B3GALT1: variants seen among roughly 807,000 people sequenced by gnomAD.
The protein encoded by B3GALT1 is UDP-Gal:betaGlcNAc beta 1,3-galactosyltransferase, polypeptide 1.
B3GALT1 carries 10 observed loss-of-function variants against 23.2 expected under a neutral mutation model. The observed-to-expected ratio is 0.43, with a 90% CI of 0.27 to 0.73. The LOEUF (loss-of-function observed/expected upper bound fraction) is 0.73. Ranked by LOEUF, B3GALT1 falls within the 30% of genes least tolerant of loss-of-function variation. The pLI is 0.21. For synonymous variants in B3GALT1, 156 were observed against 141.5 expected, an observed-to-expected ratio of 1.10 and a Z score of -0.73; for missense variants, 299 against 405.4, an observed-to-expected ratio of 0.74 and a Z score of 2.25.
intron 1 of B3GALT1, among the ~76,000 whole-genome samples, chr2:167,397,995 A>G (rs1698123055): frequency 6.6e-6 from 1 of 152,176 alleles, no homozygotes; most frequent in Admixed American, 6.6e-5. Flanking sequence ...GTAATATGAC[A>G]TTGCTTGCAC....
chr2:167,748,573 C>A (rs147363321), intron 3 of B3GALT1, among the ~76,000 whole-genome samples: 668 of 152,102 alleles, frequency 4.4e-3, no homozygotes, highest in Non-Finnish European at 6.5e-3. Flanking sequence ...CAGAAGGCAC[C>A]AAGGCAAAAG....
intron 2 of B3GALT1, among the ~76,000 whole-genome samples, chr2:167,575,039 ATT>A (rs1684357572): frequency 6.6e-6 from 1 of 151,692 alleles, no homozygotes; most frequent in Admixed American, 6.6e-5. Flanking sequence ...CCTCTTCTCT[ATT>A]TACTGGCTTT....
intron 1 of B3GALT1, among the ~76,000 whole-genome samples, chr2:167,371,933 TATA>T (rs1360662104): frequency 1.3e-5 from 2 of 151,786 alleles, no homozygotes; most frequent in Non-Finnish European, 2.9e-5. Context: ...AAAATATATT[TATA>T]ATATTTTTTT....
At chr2:167,737,708 G>A (rs971956611) in intron 3 of B3GALT1, among the ~76,000 whole-genome samples, 9 of 152,216 alleles carry the variant, frequency 5.9e-5, no homozygotes, top group African/African-American at 2.2e-4. Context: ...CATCTCCAAG[G>A]TTCTTTGGCA....
At chr2:167,381,802 A>G (rs1018469416) in intron 1 of B3GALT1, among the ~76,000 whole-genome samples, 6 of 152,256 alleles carry the variant, frequency 3.9e-5, no homozygotes, top group African/African-American at 1.4e-4. Flanking sequence ...TTAAAGGTTT[A>G]AATAAAAAGT....
At chr2:167,376,325 G>A (rs1206839641) in intron 1 of B3GALT1, among the ~76,000 whole-genome samples, 2 of 151,944 alleles carry the variant, frequency 1.3e-5, no homozygotes, top group Non-Finnish European at 2.9e-5. Context: ...TTGTTTCTTT[G>A]CTAAGTTTTG....
At chr2:167,563,929 A>C (rs1365745261) in intron 2 of B3GALT1, among the ~76,000 whole-genome samples, 1 of 73,206 alleles carries the variant, frequency 1.4e-5, no homozygotes, top group Admixed American at 1.3e-4. Flanking sequence ...TCCCTCCCAG[A>C]CGGGGCGGCT....
Position 167,868,890 on chromosome 2 carries a change from A to G in B3GALT1, c.-150A>G. 2 of 858,326 alleles carry G rather than the reference A, an allele frequency of 2.3e-6. No individual in the cohort carries two copies. The highest frequency in any genetic ancestry group is 3.6e-6 in the Non-Finnish European group (2 of 562,408). 53.2% of individuals were successfully genotyped at this position (858,326 alleles called of 1,614,324 possible). A position where few individuals can be genotyped will look rare whatever the true frequency, so the allele number is the denominator to read the frequency against. On this transcript the variant is annotated 5_prime_UTR_variant, in exon 5 of 5. Transcript: ENST00000392690. The stretch of plus-strand genomic sequence containing the variant: ...TAGAATGAGCGCAGAGGTGACAGAC[A>G]GCCACTGAGGCCCATGGACAATCTC...
intron 2 of B3GALT1, among the ~76,000 whole-genome samples, chr2:167,594,190 C>T (rs189885638): frequency 2.0e-5 from 3 of 152,170 alleles, no homozygotes; most frequent in Admixed American, 6.5e-5. Context: ...TGGGAGGCTA[C>T]GTAGTGTAGA....
intron 1 of B3GALT1, among the ~76,000 whole-genome samples, chr2:167,448,380 T>A (rs1207844982): frequency 1.3e-5 from 2 of 152,238 alleles, no homozygotes; most frequent in African/African-American, 4.8e-5. Context: ...ATAGCTTTTT[T>A]TAATATGTTT....
At chr2:167,812,445 A>G (rs1688908127) in intron 3 of B3GALT1, among the ~76,000 whole-genome samples, 1 of 152,220 alleles carries the variant, frequency 6.6e-6, no homozygotes. Context: ...TGCTTGTTAT[A>G]AAGGTAAATG....
At chr2:167,736,849 A>G (rs916088943) in intron 3 of B3GALT1, among the ~76,000 whole-genome samples, 5 of 152,134 alleles carry the variant, frequency 3.3e-5, no homozygotes, top group African/African-American at 1.2e-4. Flanking sequence ...CATGAGAATC[A>G]CTTGAACCTG....
intron 2 of B3GALT1, among the ~76,000 whole-genome samples, chr2:167,506,203 A>G (rs1300963192): frequency 6.6e-6 from 1 of 152,190 alleles, no homozygotes; most frequent in Non-Finnish European, 1.5e-5. Context: ...CTGTTTTCAT[A>G]TAAGTCGTGC....
intron 1 of B3GALT1, among the ~76,000 whole-genome samples, chr2:167,333,506 G>A (rs1697008994): frequency 6.6e-6 from 1 of 152,176 alleles, no homozygotes; most frequent in Non-Finnish European, 1.5e-5. Context: ...ATTGATCGTT[G>A]AATCATGATT....
At chr2:167,525,660 G>T (rs140959980) in intron 2 of B3GALT1, among the ~76,000 whole-genome samples, 1,824 of 151,714 alleles carry the variant, frequency 0.012, 17 homozygotes, top group Middle Eastern at 0.021. Context: ...TTGAGACAGG[G>T]TCTCACTTTG....
At chr2:167,362,598 G>A (rs1193666599) in intron 1 of B3GALT1, among the ~76,000 whole-genome samples, 9 of 151,412 alleles carry the variant, frequency 5.9e-5, no homozygotes, top group East Asian at 1.9e-4. Context: ...CCATGTCCCC[G>A]TTGTCTCTTG....
intron 1 of B3GALT1, among the ~76,000 whole-genome samples, chr2:167,361,872 G>C (rs1697504630): frequency 6.6e-6 from 1 of 152,090 alleles, no homozygotes; most frequent in African/African-American, 2.4e-5. Context: ...TCAGGAGTTT[G>C]AGACCAGCCT....
rs923487365 is a variant in B3GALT1 at position 167,391,789 on chromosome 2, A to G, written c.-510-98388A>G. ...CTACTGTAAAGGGATTGTAACTTCT[A>G]TAAGGAGAGCAGGTTGCCTACTTTG... On this transcript the variant is annotated intron_variant, in intron 1 of 4. Coordinates refer to ENST00000392690, the MANE Select transcript of B3GALT1 (RefSeq NM_020981.4). Among the ~76,000 whole-genome samples, 4 of 152,172 alleles carry G rather than the reference A, an allele frequency of 2.6e-5. No individual in the cohort carries two copies. The South Asian group carries it at 8.3e-4, about 32-fold the overall frequency.
In B3GALT1 at chr2:167,434,845, T is replaced by C. The variant is rs550286732; in HGVS notation, c.-510-55332T>C. Among the ~76,000 whole-genome samples, 3 of 152,000 alleles carry C rather than the reference T, an allele frequency of 2.0e-5. No individual in the cohort carries two copies. In the East Asian group the frequency reaches 5.8e-4, roughly 29 times the overall value. ...TTTATTTGTTCATGAAATTAGAAAATGTGTCACCCATATCTCTCTCCTGAA... is the reference window on the plus strand; with the variant it reads ...TTTATTTGTTCATGAAATTAGAAAACGTGTCACCCATATCTCTCTCCTGAA... On this transcript the variant is annotated intron_variant, in intron 1 of 4. Coordinates refer to ENST00000392690, the MANE Select transcript of B3GALT1 (RefSeq NM_020981.4).
Sources: allele counts gnomAD v4.1 joint callset (sites outside exome capture counted in the v4.1 genomes callset), GRCh38; gene constraint gnomAD v4.1.1; transcripts MANE v1.5; gene names NCBI Gene and HGNC (gene_info 2026-07-23, HGNC 2026-07-21).